The following MPC2 variants were observed in gnomAD, a reference collection of about 807,000 sequenced individuals.
MPC2 encodes brain protein 44.
MPC2 carries 19 observed loss-of-function variants against 19.2 expected under a neutral mutation model. The ratio of observed to expected loss-of-function variants is 0.99; its 90% CI spans 0.69 to 1.45. MPC2 has a LOEUF of 1.45. MPC2 is among the 40% of genes most tolerant of loss of function. The pLI, the probability that MPC2 is intolerant of heterozygous loss-of-function variation, is 0.00. For synonymous variants in MPC2, 61 were observed against 54.3 expected (o/e 1.12, Z -0.54); for missense variants, 122 against 153.0 (o/e 0.80, Z 1.07).
intron 3 of MPC2, among the ~76,000 whole-genome samples, chr1:167,921,114 G>A (rs2102529692): frequency 6.6e-6 from 1 of 152,234 alleles, no homozygotes; most frequent in Non-Finnish European, 1.5e-5. Flanking sequence ...TGGGGTATAT[G>A]TGCAGGTTTG....
chr1:167,925,457 A>G (rs1163804308), intron 2 of MPC2, among the ~76,000 whole-genome samples: 1 of 113,568 alleles, frequency 8.8e-6, no homozygotes, highest in East Asian at 2.4e-4. Flanking sequence ...ATATATATAT[A>G]TATATATATA....
intron 2 of MPC2, among the ~76,000 whole-genome samples, chr1:167,927,711 T>G (rs1251967742): frequency 6.6e-6 from 1 of 152,218 alleles, no homozygotes; most frequent in Non-Finnish European, 1.5e-5. Flanking sequence ...TAGGTTTGCC[T>G]GGTAACTAAT....
chr1:167,935,206 T>G (rs1671064059), intron 2 of MPC2, among the ~76,000 whole-genome samples: 1 of 152,106 alleles, frequency 6.6e-6, no homozygotes, highest in Admixed American at 6.5e-5. Flanking sequence ...ACTGGACCTA[T>G]GGGATGAGAA....
At chr1:167,923,478 G>A (rs1368684931) in intron 3 of MPC2, among the ~76,000 whole-genome samples, 1 of 152,106 alleles carries the variant, frequency 6.6e-6, no homozygotes, top group Non-Finnish European at 1.5e-5. Context: ...CCATTTACAT[G>A]AGGTACTTAG....
chr1:167,932,808 CAAA>C (rs965449372), intron 2 of MPC2, among the ~76,000 whole-genome samples: 1 of 54,954 alleles, frequency 1.8e-5, no homozygotes. Flanking sequence ...GACTCTGTCT[CAAA>C]AAAAAAAAAA....
At position 167,917,710 on chromosome 1, in the gene MPC2, A is replaced by AT. The variant is rs945825896; in HGVS notation, c.*612dup. On this transcript the variant is annotated 3_prime_UTR_variant, in exon 6 of 6. Coordinates refer to ENST00000271373, the MANE Select transcript of MPC2 (RefSeq NM_001143674.4). ...GCTACATTATCAGTTACTGAGGGTA[A>AT]TTGAAAAATTTAACACTTATCATGG... 9 of 152,290 alleles carry AT rather than the reference A, an allele frequency of 5.9e-5. No homozygotes were observed. Among genetic ancestry groups the AT allele is most frequent in the African/African-American group, 2.2e-4 (9 of 41,540 alleles). The allele number at this position is 152,290 out of a possible 1,614,324, so 9.4% of individuals were successfully genotyped here.
chr1:167,934,671 C>G (rs1671016270), intron 2 of MPC2, among the ~76,000 whole-genome samples: 1 of 152,144 alleles, frequency 6.6e-6, no homozygotes, highest in South Asian at 2.1e-4. Context: ...AATGGGGGAA[C>G]TAGACAACTT....
chr1:167,936,587 G>T (rs1571532697), intron 1 of MPC2: 4 of 320,168 alleles, frequency 1.2e-5, no homozygotes, highest in Non-Finnish European at 2.4e-5. Flanking sequence ...GGCGGGGAGG[G>T]TATCCAGGAC....
chr1:167,919,982 C>G lies in MPC2; in HGVS notation c.344G>C (p.Trp115Ser). Residue 115 changes from tryptophan to serine, a missense_variant, in exon 5 of 6, where the codon TGG (tryptophan) becomes TCG (serine). Trp to Ser is a radical substitution (Grantham distance 177). Transcript: ENST00000271373. ...AAGASQLFRI[W>S]RYNQELKAKA... The stretch of plus-strand genomic sequence containing the variant: ...AAAATATCTCTGGTAGGCTTACCTC[C>G]AAATACGAAAAAGCTGAGAGGCTCC... 1 of 1,609,474 alleles carries G rather than the reference C, an allele frequency of 6.2e-7. No homozygotes were observed. The highest frequency in any genetic ancestry group is 2.2e-5 in the East Asian group (1 of 44,738).
At chr1:167,931,530 A>C (rs1670910557) in intron 2 of MPC2, among the ~76,000 whole-genome samples, 1 of 151,818 alleles carries the variant, frequency 6.6e-6, no homozygotes, top group African/African-American at 2.4e-5. Flanking sequence ...TTTAAACTTA[A>C]TATATTAAAT....
chr1:167,936,106 G>A (rs987620113), intron 1 of MPC2: 1 of 534,690 alleles, frequency 1.9e-6, no homozygotes, highest in African/African-American at 1.9e-5. Context: ...AGGAGCCATG[G>A]CAACAGGTGC....
chr1:167,920,637 C>A lies in MPC2; in HGVS notation c.151-6G>T. The A allele has an allele frequency of 6.2e-7, 1 of 1,609,140 alleles. No homozygotes were observed. The highest frequency in any genetic ancestry group is 1.1e-5 in the South Asian group (1 of 89,900). ...AATCCAGCACACACCAACCCCTACA[C>A]ATTAACGCATAGAAAGAAAAAAAGT... On this transcript the variant is annotated splice_region_variant and splice_polypyrimidine_tract_variant and intron_variant, in intron 3 of 5. Transcript: ENST00000271373.
intron 3 of MPC2, among the ~76,000 whole-genome samples, chr1:167,921,233 T>C (rs898745283): frequency 1.3e-5 from 2 of 151,828 alleles, no homozygotes; most frequent in African/African-American, 4.8e-5. Flanking sequence ...TTAGATCATT[T>C]TTTTTTTTTT....
intron 2 of MPC2, among the ~76,000 whole-genome samples, chr1:167,926,064 T>C (rs1202026298): frequency 6.6e-6 from 1 of 152,238 alleles, no homozygotes; most frequent in Non-Finnish European, 1.5e-5. Context: ...AGAAAGAAGA[T>C]CACGGCACAA....
In MPC2 at chr1:167,936,794, C is replaced by T. The variant is rs1671293894; in HGVS notation, c.-58+145G>A. The T allele has an allele frequency of 4.4e-6, 4 of 917,350 alleles. No individual in the cohort carries two copies. The South Asian group carries it at 4.8e-5, about 11-fold the overall frequency. The allele number at this position is 917,350 out of a possible 1,614,324, so 56.8% of individuals were successfully genotyped here. ...TGCCACCGCCATCTAACGCTGCGCC[C>T]TGGAGGCCCGGCGCGCGGATGGTGC... is the stretch of plus-strand genomic sequence containing the variant. On this transcript the variant is annotated intron_variant, in intron 1 of 5. Coordinates refer to ENST00000271373, the MANE Select transcript of MPC2 (RefSeq NM_001143674.4).
At chr1:167,936,205 G>A (rs1041091668) in intron 1 of MPC2, 5 of 251,976 alleles carry the variant, frequency 2.0e-5, no homozygotes, top group Non-Finnish European at 3.1e-5. Flanking sequence ...GGCCCGCCCC[G>A]AGGCGCGGGC....
chr1:167,921,453 C>T (rs530405856), intron 3 of MPC2, among the ~76,000 whole-genome samples: 6 of 152,178 alleles, frequency 3.9e-5, no homozygotes, highest in South Asian at 2.1e-4. Flanking sequence ...AACTCCTGAC[C>T]GCAGGTGATC....
At chr1:167,936,903 G>A (rs757463143) in intron 1 of MPC2, 36 bp downstream of exon 1, 7 of 1,592,992 alleles carry the variant, frequency 4.4e-6, no homozygotes, top group Non-Finnish European at 5.1e-6. Flanking sequence ...ACCCGGCTCA[G>A]GCAGAGCCAT....
At chr1:167,932,306 T>G (rs550362226) in intron 2 of MPC2, among the ~76,000 whole-genome samples, 14 of 152,268 alleles carry the variant, frequency 9.2e-5, no homozygotes, top group African/African-American at 3.1e-4. Flanking sequence ...AATAATATAT[T>G]TTTGTATTAC....
Sources: gnomAD v4.1 joint callset for allele counts (sites outside exome capture counted in the v4.1 genomes callset) on GRCh38, gnomAD v4.1.1 for gene constraint, MANE v1.5 for transcripts, NCBI Gene and HGNC (gene_info 2026-07-23, HGNC 2026-07-21) for gene names.